Variants in MAPK13 observed in about 807,000 individuals in gnomAD.
MAPK13 encodes the protein mitogen-activated protein kinase 13, also known as MAP kinase 13.
In MAPK13, 39 loss-of-function variants were observed where a neutral mutation model predicts 53.5. That is an observed-to-expected ratio of 0.73 (90% CI 0.56 to 0.95). The LOEUF (loss-of-function observed/expected upper bound fraction) is 0.95, where lower values mean the gene tolerates loss of function less well. Among genes scored for constraint, MAPK13 ranks in the 40% least tolerant of loss-of-function variants. The pLI is 0.00. For synonymous variants in MAPK13, 179 were observed against 190.9 expected (o/e 0.94, Z 0.51); for missense variants, 460 against 471.8 (o/e 0.98, Z 0.23).
Position 36,138,930 on chromosome 6 carries a change from C to A in MAPK13, c.893C>A (p.Thr298Lys), listed in dbSNP as rs201152233. Residue 298 changes from threonine to lysine, a missense_variant, in exon 11 of 12, where the codon ACG becomes AAG. Transcript: ENST00000211287. ...GAGCTAGACGTGGACAAGCGCCTGA[C>A]GGCCGCGCAGGCCCTCACCCATCCC... ...MLELDVDKRL[T>K]AAQALTHPFF... The A allele has an allele frequency of 6.2e-7, 1 of 1,612,636 alleles. No individual in the cohort carries two copies. The highest frequency in any genetic ancestry group is 1.3e-5 in the African/African-American group (1 of 74,974).
Position 36,132,616 on chromosome 6 carries a change from C to T in MAPK13, c.250-5C>T. ...TCTAGCCCTCACAGGTGACTTCTTC[C>T]CCAGGTCATTGGGCTCCTGGATGTC... On this transcript the variant is annotated splice_polypyrimidine_tract_variant and splice_region_variant and intron_variant, in intron 2 of 11. Coordinates refer to ENST00000211287, the MANE Select transcript of MAPK13 (RefSeq NM_002754.5). 6.2e-7 allele frequency: 1 copy of T among 1,614,118 alleles called. No homozygotes were observed. The highest frequency in any genetic ancestry group is 8.5e-7 in the Non-Finnish European group (1 of 1,179,976).
At chr6:36,139,211 C>A in intron 11 of MAPK13, 83 bp from the exon 12 acceptor site, 5 of 1,461,406 alleles carry the variant, frequency 3.4e-6, no homozygotes, top group South Asian at 1.2e-5. Context: ...GCTGACTTCG[C>A]TCTCCATGCT....
rs778423469 is a variant in MAPK13 at position 36,130,733 on chromosome 6, G to GCGGGGGA, written c.119+36_119+37insGGACGGG. 1.9e-5 allele frequency: 21 copies of GCGGGGGA among 1,098,818 alleles called. 1 individual carries two copies. The highest frequency in any genetic ancestry group is 1.9e-4 in the African/African-American group (11 of 59,402). 68.1% of individuals were successfully genotyped at this position (1,098,818 alleles called of 1,614,324 possible). On this transcript the variant is annotated intron_variant, in intron 1 of 11. Transcript: ENST00000211287. The surrounding 1 kb of genome is among the most constrained non-coding windows in gnomAD (Gnocchi z 4.5). Reference sequence around the variant, plus strand: ...CCCCTGGGCCGCTGGGGGGCGGGGGGCGGGCGCCAGGCTCTCCCCTTTCCG... The same window carrying GCGGGGGA: ...CCCCTGGGCCGCTGGGGGGCGGGGGGCGGGGGACGGGCGCCAGGCTCTCCCCTTTCCG...
intron 3 of MAPK13, among the ~76,000 whole-genome samples, chr6:36,133,709 G>C (rs1361137957): frequency 6.6e-6 from 1 of 152,226 alleles, no homozygotes; most frequent in Non-Finnish European, 1.5e-5. Context: ...TAGGGATGTG[G>C]ATTTGTGCTG....
chr6:36,144,203 G>A lies in MAPK13; in HGVS notation c.*4830G>A, dbSNP rs1283090780. The stretch of plus-strand genomic sequence containing the variant: ...TAATATTTTCATACACATAAAATAT[G>A]TAGGATTACAAAGTAAGCTAGTTAT... On this transcript the variant is annotated 3_prime_UTR_variant, in exon 12 of 12. Coordinates refer to ENST00000211287, the MANE Select transcript of MAPK13 (RefSeq NM_002754.5). The A allele has an allele frequency of 1.3e-5, 2 of 152,130 alleles. No homozygotes were observed. Among genetic ancestry groups the A allele is most frequent in the Non-Finnish European group, 2.9e-5 (2 of 68,030 alleles). 9.4% of individuals were successfully genotyped at this position (152,130 alleles called of 1,614,324 possible).
In MAPK13 at chr6:36,136,525, A is replaced by G. The variant is rs2127486722; in HGVS notation, c.489A>G (p.Glu163=). The change falls in exon 6 of 12, where the codon GAA becomes GAG. Residue 163 remains glutamate, a synonymous_variant. Transcript: ENST00000211287. The stretch of plus-strand genomic sequence containing the variant: ...ACCTGGCTGTGAATGAGGACTGTGA[A>G]CTGAAGGTGAGTGGGCTGCAGGCTC... The part of the protein sequence containing the change: ...PGNLAVNEDC[E]LKILDFGLAR... The G allele has an allele frequency of 1.2e-6, 2 of 1,604,604 alleles. No individual in the cohort carries two copies. Among genetic ancestry groups the G allele is most frequent in the East Asian group, 4.5e-5 (2 of 44,840 alleles).
Position 36,130,780 on chromosome 6 carries a change from C to G in MAPK13, c.119+79C>G. The G allele has an allele frequency of 2.7e-6, 2 of 749,326 alleles. No homozygotes were observed. Among genetic ancestry groups the G allele is most frequent in the South Asian group, 1.9e-5 (1 of 51,826 alleles). The allele number at this position is 749,326 out of a possible 1,614,324, so 46.4% of individuals were successfully genotyped here. On this transcript the variant is annotated intron_variant, in intron 1 of 11. Coordinates refer to ENST00000211287, the MANE Select transcript of MAPK13 (RefSeq NM_002754.5). The surrounding 1 kb of genome is among the most constrained non-coding windows in gnomAD (Gnocchi z 4.5). ...TCCGCCCAGCCCGCCCTGGGCTGGC[C>G]CCTCGCCAGCGCCACCTTGACCGCG...
At chr6:36,135,661 A>C (rs1581882776) in intron 3 of MAPK13, 92 bp from the exon 4 acceptor site, 7 of 816,454 alleles carry the variant, frequency 8.6e-6, no homozygotes, top group Non-Finnish European at 1.2e-5. Context: ...TGTCTCTATG[A>C]CCCCTGTTCT....
intron 8 of MAPK13, among the ~76,000 whole-genome samples, chr6:36,137,324 G>T (rs1167034895): frequency 6.6e-6 from 1 of 152,062 alleles, no homozygotes; most frequent in African/African-American, 2.4e-5. Context: ...GACCATCCTG[G>T]CTAACAAGGG....
At chr6:36,138,647 G>C in intron 9 of MAPK13, 55 bp from the exon 10 acceptor site, 1 of 1,544,242 alleles carries the variant, frequency 6.5e-7, no homozygotes, top group South Asian at 1.1e-5. Context: ...TGAAATCCCT[G>C]CTCTACACGC....
At position 36,130,530 on chromosome 6, in the gene MAPK13, T is replaced by G; in HGVS notation, c.-53T>G. On this transcript the variant is annotated 5_prime_UTR_variant, in exon 1 of 12. Transcript: ENST00000211287. The surrounding 1 kb of genome is among the most constrained non-coding windows in gnomAD (Gnocchi z 4.5). The stretch of plus-strand genomic sequence containing the variant: ...CGGGGGTCGGGGCGCTGGGAGCCCG[T>G]TGGGCCGCGAACGCAGCCGCCACGC... 1.1e-6 allele frequency: 1 copy of G among 914,410 alleles called. No homozygotes were observed. The highest frequency in any genetic ancestry group is 1.6e-6 in the Non-Finnish European group (1 of 613,810). The allele number at this position is 914,410 out of a possible 1,614,324, so 56.6% of individuals were successfully genotyped here. A position where few individuals can be genotyped will look rare whatever the true frequency, so the allele number is the denominator to read the frequency against.
rs865836325 is a variant in MAPK13, at chr6:36,131,310, CAAG to C, written c.163_165del (p.Lys55del). The C allele has an allele frequency of 3.7e-6, 6 of 1,613,770 alleles. No homozygotes were observed. The African/African-American group carries it at 6.7e-5, about 18-fold the overall frequency. ...AGCGGTCAGGGGAGAAGGTGGCCATCAAGAAGCTGAGCCGACCCTTTCAGTCCG... is the reference window on the plus strand; with the variant it reads ...AGCGGTCAGGGGAGAAGGTGGCCATCAAGCTGAGCCGACCCTTTCAGTCCG... On this transcript the variant is annotated inframe_deletion, in exon 2 of 12. Coordinates refer to ENST00000211287, the MANE Select transcript of MAPK13 (RefSeq NM_002754.5).
intron 2 of MAPK13, among the ~76,000 whole-genome samples, chr6:36,132,411 G>A (rs530048096): frequency 6.6e-6 from 1 of 152,188 alleles, no homozygotes; most frequent in East Asian, 1.9e-4. Flanking sequence ...CTGACTCTCT[G>A]TCATGATTTA....
At chr6:36,138,602 T>G in intron 9 of MAPK13, 100 bp from the exon 10 acceptor site, 1 of 1,331,486 alleles carries the variant, frequency 7.5e-7, no homozygotes, top group Non-Finnish European at 1.1e-6. Flanking sequence ...CCGTGGACCC[T>G]GACCTGAACT....
Position 36,143,754 on chromosome 6 carries a change from T to TA in MAPK13, c.*4383dup, listed in dbSNP as rs2127488685. 6.6e-6 allele frequency: 1 copy of TA among 152,344 alleles called. No homozygotes were observed. Among genetic ancestry groups the TA allele is most frequent in the Non-Finnish European group, 1.5e-5 (1 of 68,066 alleles). The allele number at this position is 152,344 out of a possible 1,614,324, so 9.4% of individuals were successfully genotyped here. On this transcript the variant is annotated 3_prime_UTR_variant, in exon 12 of 12. Coordinates refer to ENST00000211287, the MANE Select transcript of MAPK13 (RefSeq NM_002754.5). ...GATTTCACAATCGGCAGCAGAGGCC[T>TA]AAGGCCATTCCATCAAACTGAAGAT... is the stretch of plus-strand genomic sequence containing the variant.
intron 2 of MAPK13, 82 bp downstream of exon 2, chr6:36,131,482 G>T: frequency 7.2e-7 from 1 of 1,387,566 alleles, no homozygotes; most frequent in South Asian, 1.3e-5. Context: ...TCCCGGTATG[G>T]AGAGCTCGGG....
Position 36,142,646 on chromosome 6 carries a change from G to A in MAPK13, c.*3273G>A, listed in dbSNP as rs1440065039. The stretch of plus-strand genomic sequence containing the variant: ...CCAATGTCATATGGAAGGTGGCAGA[G>A]AGCCCAGCAGGAAGCAGAAGTGGGC... On this transcript the variant is annotated 3_prime_UTR_variant, in exon 12 of 12. Coordinates refer to ENST00000211287, the MANE Select transcript of MAPK13 (RefSeq NM_002754.5). This position sits in a 1 kb window ranked among gnomAD's most constrained non-coding sequence, Gnocchi z 4.4. The A allele has an allele frequency of 3.9e-5, 6 of 152,344 alleles. No individual in the cohort carries two copies. 9.4% of individuals were successfully genotyped at this position (152,344 alleles called of 1,614,324 possible).
intron 8 of MAPK13, among the ~76,000 whole-genome samples, chr6:36,137,330 A>G (rs908418392): frequency 2.6e-5 from 4 of 152,130 alleles, no homozygotes; most frequent in African/African-American, 9.7e-5. Flanking sequence ...CCTGGCTAAC[A>G]AGGGGAAACC....
At position 36,141,601 on chromosome 6, in the gene MAPK13, G is replaced by T. The variant is rs1198935006; in HGVS notation, c.*2228G>T. The T allele has an allele frequency of 6.6e-6, 1 of 152,334 alleles. No homozygotes were observed. Among genetic ancestry groups the T allele is most frequent in the Admixed American group, 6.5e-5 (1 of 15,276 alleles). 9.4% of individuals were successfully genotyped at this position (152,334 alleles called of 1,614,324 possible). A position where few individuals can be genotyped will look rare whatever the true frequency, so the allele number is the denominator to read the frequency against. ...GAGGCAGAATTGCTTGAACCTGGGA[G>T]GTGGAGGTTGCAGTGAGCTGAGATC... On this transcript the variant is annotated 3_prime_UTR_variant, in exon 12 of 12. Coordinates refer to ENST00000211287, the MANE Select transcript of MAPK13 (RefSeq NM_002754.5).
Sources: gnomAD v4.1 joint callset for allele counts (sites outside exome capture counted in the v4.1 genomes callset) on GRCh38, gnomAD v4.1.1 for gene constraint, Gnocchi (gnomAD v3.1) non-coding constraint, MANE v1.5 for transcripts, NCBI Gene and HGNC (gene_info 2026-07-23, HGNC 2026-07-21) for gene names.